Variants in RTEL1 observed in about 807,000 individuals in gnomAD.
The protein encoded by RTEL1 is regulator of telomere length.
In RTEL1, 86 loss-of-function variants were observed where a neutral mutation model predicts 162.2. The observed-to-expected ratio is 0.53, with a 90% CI of 0.45 to 0.63. The LOEUF (loss-of-function observed/expected upper bound fraction) is 0.63. RTEL1 is among the 30% of genes least tolerant of loss of function. The pLI is 0.00. For synonymous variants in RTEL1, 958 were observed against 717.9 expected (o/e 1.33, Z -5.35); for missense variants, 1,941 against 1,750.2 (o/e 1.11, Z -1.95).
intron 14 of RTEL1, chr20:63,682,744 G>A (rs2090504562): frequency 3.1e-6 from 3 of 958,180 alleles, no homozygotes; most frequent in Non-Finnish European, 3.7e-6. Flanking sequence ...TGGGGCCAGT[G>A]GCCCCAGGAA....
intron 30 of RTEL1, 30 bp downstream of exon 30, chr20:63,693,313 A>G (rs757006111): frequency 4.4e-6 from 7 of 1,609,074 alleles, no homozygotes; most frequent in Admixed American, 1.7e-5. Context: ...GGACCCTCAG[A>G]CTCCTGCGTG....
At chr20:63,692,215 A>T in intron 28 of RTEL1, 1 of 231,420 alleles carries the variant, frequency 4.3e-6, no homozygotes, top group Non-Finnish European at 8.6e-6. Context: ...GCCTGCTGGA[A>T]AACCCCAAGT....
At chr20:63,693,914 C>G (rs372957575) in intron 30 of RTEL1, among the ~76,000 whole-genome samples, 1 of 150,878 alleles carries the variant, frequency 6.6e-6, no homozygotes, top group Non-Finnish European at 1.5e-5. Flanking sequence ...CAACTGCACA[C>G]GCCAGGGTCC....
In RTEL1 at chr20:63,659,485, T is replaced by G; in HGVS notation, c.83T>G (p.Val28Gly). 6.2e-7 allele frequency: 1 copy of G among 1,613,726 alleles called. No individual in the cohort carries two copies. Among genetic ancestry groups the G allele is most frequent in the Non-Finnish European group, 8.5e-7 (1 of 1,179,710 alleles). Residue 28 changes from valine (V) to glycine (G), a missense_variant, in exon 2 of 35, where the codon GTC becomes GGC. Transcript: ENST00000360203. ...YKCQQEYMTKVLECLQQKVNG... is the reference protein window; with the variant it reads ...YKCQQEYMTKGLECLQQKVNG... Reference sequence around the variant, plus strand: ...TGCCAACAGGAGTACATGACCAAGGTCCTGGAATGTCTGCAGCAGGTAGAG... The same window carrying G: ...TGCCAACAGGAGTACATGACCAAGGGCCTGGAATGTCTGCAGCAGGTAGAG...
intron 21 of RTEL1, 103 bp from the exon 22 acceptor site, chr20:63,688,952 A>AGGAC: frequency 9.5e-7 from 1 of 1,052,168 alleles, no homozygotes; most frequent in Non-Finnish European, 1.4e-6. Flanking sequence ...CTTCCTGGCT[A>AGGAC]GGACGATCCT....
intron 16 of RTEL1, chr20:63,686,091 C>T: frequency 1.7e-6 from 1 of 590,686 alleles, no homozygotes; most frequent in Non-Finnish European, 3.0e-6. Context: ...CCGTGACCTG[C>T]CCAGAGTCAC....
intron 26 of RTEL1, 74 bp downstream of exon 26, chr20:63,690,515 G>T: frequency 7.1e-7 from 1 of 1,410,146 alleles, no homozygotes; most frequent in Non-Finnish European, 9.4e-7. Context: ...AGCACCAGGC[G>T]CCCAGGGCGG....
intron 30 of RTEL1, 73 bp from the exon 31 acceptor site, chr20:63,694,299 G>GGCCGGGCC: frequency 1.2e-6 from 1 of 841,714 alleles, no homozygotes; most frequent in Non-Finnish European, 2.0e-6. Flanking sequence ...TCCCTAGCCA[G>GGCCGGGCC]CCCTGCCCCC....
rs542916861 is a variant in RTEL1 at position 63,667,579 on chromosome 20, G to A, written c.699+26G>A. 1.1e-4 allele frequency: 170 copies of A among 1,564,746 alleles called. 1 individual carries two copies. The highest frequency in any genetic ancestry group is 1.9e-4 in the South Asian group (17 of 89,982). On this transcript the variant is annotated intron_variant, in intron 8 of 34. Transcript: ENST00000360203. ...GTGGGGGCTCAGTCCTGTAGCTGACGACTCCTGATGTCCAGGGGTGTCCCT... is the reference window on the plus strand; with the variant it reads ...GTGGGGGCTCAGTCCTGTAGCTGACAACTCCTGATGTCCAGGGGTGTCCCT...
In RTEL1 at chr20:63,662,802, C is replaced by T. The variant is rs754545108; in HGVS notation, c.478-27C>T. The stretch of plus-strand genomic sequence containing the variant: ...CGGTCCTTTCTTGGCCGTGCTTCAG[C>T]TGCGCACTCTGCCCTTCCTCCCACA... On this transcript the variant is annotated intron_variant, in intron 5 of 34. Coordinates refer to ENST00000360203, the MANE Select transcript of RTEL1 (RefSeq NM_001283009.2). The T allele has an allele frequency of 2.9e-5, 47 of 1,613,302 alleles. No individual in the cohort carries two copies. The Middle Eastern group carries it at 1.6e-3, about 57-fold the overall frequency.
chr20:63,684,912 C>CT (rs2090556997), intron 14 of RTEL1, among the ~76,000 whole-genome samples: 1 of 149,992 alleles, frequency 6.7e-6, no homozygotes, highest in African/African-American at 2.5e-5. Context: ...CAGGGTCTCT[C>CT]TGTTGCCCAG....
chr20:63,662,941 C>T (rs774817613), intron 6 of RTEL1, 52 bp downstream of exon 6: 2 of 1,543,714 alleles, frequency 1.3e-6, no homozygotes, highest in Non-Finnish European at 1.8e-6. Context: ...TGCAGCCTCT[C>T]AGGGTGGAGC....
rs1254636109 is a variant in RTEL1, at chr20:63,690,886, G to A, written c.2495G>A (p.Arg832Lys). The A allele has an allele frequency of 8.2e-6, 13 of 1,589,592 alleles. No homozygotes were observed. Among genetic ancestry groups the A allele is most frequent in the Non-Finnish European group, 1.1e-5 (13 of 1,169,032 alleles). Residue 832 changes from arginine (R) to lysine (K), a missense_variant, in exon 27 of 35, where the codon AGG becomes AAG. By Grantham distance (26) the Arg-to-Lys change is conservative. Coordinates refer to ENST00000360203, the MANE Select transcript of RTEL1 (RefSeq NM_001283009.2). ...CCAGTTCCTGCCCGGCAGAGGCCCA[G>A]GGGGCTGCTGGCCGCCCTGGAGCAC... ...QEPVPARQRPRGLLAALEHSE... is the reference protein window; with the variant it reads ...QEPVPARQRPKGLLAALEHSE...
At chr20:63,693,624 ACCACCTCCACC>A (rs2090870306) in intron 30 of RTEL1, among the ~76,000 whole-genome samples, 2 of 22,338 alleles carry the variant, frequency 9.0e-5, no homozygotes, top group East Asian at 1.3e-3. Context: ...CACCTCCACC[ACCACCTCCACC>A]ACCACCACCT....
Position 63,693,483 on chromosome 20 carries a change from A to ACCACCACCTCCACCACCACCTCCT in RTEL1, c.2992+214_2992+215insACCACCTCCTCCACCACCTCCACC. Among the ~76,000 whole-genome samples the ACCACCACCTCCACCACCACCTCCT allele has an allele frequency of 5.6e-5, 2 of 35,892 alleles. 1 individual carries two copies. The highest frequency in any genetic ancestry group is 1.5e-3 in the East Asian group (2 of 1,348). 23.5% of individuals were successfully genotyped at this position (35,892 alleles called of 152,430 possible). A position where few individuals can be genotyped will look rare whatever the true frequency, so the allele number is the denominator to read the frequency against. ...CACCTCCACCTCCACCTCCACCTCC[A>ACCACCACCTCCACCACCACCTCCT]CCACCACCTCCACCTCCACCACCAC... On this transcript the variant is annotated intron_variant, in intron 30 of 34. Transcript: ENST00000360203.
intron 9 of RTEL1, among the ~76,000 whole-genome samples, chr20:63,673,564 G>A (rs1180991471): frequency 2.6e-5 from 4 of 151,812 alleles, no homozygotes; most frequent in Admixed American, 1.3e-4. Context: ...TCAGCCTCCC[G>A]AGTAGCCGGG....
rs376458024 is a variant in RTEL1, at chr20:63,694,886, C to T, written c.3255C>T (p.Ala1085=). Residue 1085 remains alanine (A), a synonymous_variant, in exon 32 of 35, where the codon GCC becomes GCT. Transcript: ENST00000360203. ...GCCAACTCTTGGCAGCGCTGACAGC[C>T]TATAAGCAAGACGACGACCTCGACA... ...GCSQLLAALT[A]YKQDDDLDKV... The T allele has an allele frequency of 1.2e-6, 2 of 1,612,544 alleles. No individual in the cohort carries two copies. Among genetic ancestry groups the T allele is most frequent in the East Asian group, 2.2e-5 (1 of 44,894 alleles).
intron 12 of RTEL1, among the ~76,000 whole-genome samples, chr20:63,679,280 G>A (rs1039169069): frequency 2.0e-5 from 3 of 152,208 alleles, no homozygotes; most frequent in Non-Finnish European, 4.4e-5. Context: ...AATCCCAGTT[G>A]CTTCCAGGTG....
At chr20:63,691,512 C>T (rs915719464) in intron 27 of RTEL1, among the ~76,000 whole-genome samples, 3 of 152,100 alleles carry the variant, frequency 2.0e-5, no homozygotes, top group Admixed American at 6.5e-5. Flanking sequence ...GGACTGTCTT[C>T]CCTGGACCTG....
Sources: gnomAD v4.1 joint callset for allele counts (sites outside exome capture counted in the v4.1 genomes callset) on GRCh38, gnomAD v4.1.1 for gene constraint, MANE v1.5 for transcripts, NCBI Gene and HGNC (gene_info 2026-07-23, HGNC 2026-07-21) for gene names.